PTPRD: variants seen among roughly 807,000 people sequenced by gnomAD.
PTPRD encodes the protein receptor-type tyrosine-protein phosphatase delta.
A neutral mutation model predicts 214.5 loss-of-function variants in PTPRD; 34 were observed. The ratio of observed to expected loss-of-function variants is 0.16; its 90% confidence interval spans 0.12 to 0.21. PTPRD has a LOEUF of 0.21. PTPRD is among the 10% of genes least tolerant of loss of function. The pLI, the probability that PTPRD is intolerant of heterozygous loss-of-function variation, is 1.00. For missense variants in PTPRD, 2,545 were observed against 2,398.7 expected, an observed-to-expected ratio of 1.06 and a Z score of -1.27; for synonymous variants, 1,128 against 845.7, an observed-to-expected ratio of 1.33 and a Z score of -5.79.
rs774535895 is a variant in PTPRD at position 8,633,467 on chromosome 9, G to A, written c.211-9C>T. On this transcript the variant is annotated splice_polypyrimidine_tract_variant and intron_variant, in intron 13 of 45. Transcript: ENST00000381196. The stretch of plus-strand genomic sequence containing the variant: ...TCGTCAAACTCTATTACCTATTAGA[G>A]GAAACAATAGCTGTCACAGGTGTTG... The A allele has an allele frequency of 9.3e-6, 15 of 1,609,954 alleles. No individual in the cohort carries two copies. Among genetic ancestry groups the A allele is most frequent in the Middle Eastern group, 1.7e-4 (1 of 6,032 alleles).
At chr9:9,425,529 T>C (rs1462221391) in intron 8 of PTPRD, among the ~76,000 whole-genome samples, 1 of 149,418 alleles carries the variant, frequency 6.7e-6, no homozygotes, top group African/African-American at 2.4e-5. Flanking sequence ...ATGGCAAAAA[T>C]CACAATTACT....
At chr9:8,696,444 T>C (rs976530604) in intron 12 of PTPRD, among the ~76,000 whole-genome samples, 2 of 152,146 alleles carry the variant, frequency 1.3e-5, no homozygotes. Flanking sequence ...CCCTCCAGTC[T>C]TGGGGTGGGG....
Position 9,024,348 on chromosome 9 carries a change from G to GTTTTTT in PTPRD, c.-142-5614_-142-5613insAAAAAA, listed in dbSNP as rs752607769. Among the ~76,000 whole-genome samples the GTTTTTT allele has an allele frequency of 6.2e-5, 4 of 64,178 alleles. 1 individual carries two copies. The highest frequency in any genetic ancestry group is 2.1e-4 in the Admixed American group (1 of 4,742). 42.1% of individuals were successfully genotyped at this position (64,178 alleles called of 152,430 possible). On this transcript the variant is annotated intron_variant, in intron 10 of 45. Transcript: ENST00000381196. ...TATTGTCGATTCTTTGTTTTTTTTT[G>GTTTTTT]TTTGTTTTTTTTTTTTTCCTGTATA...
intron 3 of PTPRD, among the ~76,000 whole-genome samples, chr9:10,299,321 C>G (rs1052070455): frequency 1.2e-4 from 19 of 152,046 alleles, no homozygotes; most frequent in Non-Finnish European, 1.6e-4. Context: ...TGTCAGAAAT[C>G]TGTAATGTGT....
At chr9:9,897,396 G>A (rs2075294126) in intron 5 of PTPRD, among the ~76,000 whole-genome samples, 1 of 151,696 alleles carries the variant, frequency 6.6e-6, no homozygotes, top group African/African-American at 2.4e-5. Flanking sequence ...TATTTATTAG[G>A]ATTTTTGTAA....
intron 3 of PTPRD, among the ~76,000 whole-genome samples, chr9:10,320,420 A>G (rs1003363482): frequency 1.3e-5 from 2 of 152,028 alleles, no homozygotes; most frequent in Admixed American, 1.3e-4. Flanking sequence ...GTTTCCTCCT[A>G]AAAAGGTAGA....
At chr9:8,930,509 T>C (rs1040503398) in intron 11 of PTPRD, among the ~76,000 whole-genome samples, 2 of 152,148 alleles carry the variant, frequency 1.3e-5, no homozygotes, top group African/African-American at 4.8e-5. Flanking sequence ...ATGGTATTTC[T>C]AGTTCTAGAT....
chr9:8,940,280 C>CTTTTTTTTTTTTTTTT lies in PTPRD; in HGVS notation c.-104+78401_-104+78416dup, dbSNP rs34342718. 2.4e-3 allele frequency among the ~76,000 whole-genome samples: 211 copies of CTTTTTTTTTTTTTTTT among 89,008 alleles called. 26 individuals carry two copies. The highest frequency in any genetic ancestry group is 3.3e-3 in the Non-Finnish European group (161 of 48,702). The allele number at this position is 89,008 out of a possible 152,430, so 58.4% of individuals were successfully genotyped here. ...TCACACATCTCTCTCTCTCTCTCTC[C>CTTTTTTTTTTTTTTTT]TTTTTTTTTTTTTTTTTTTTGAGAT... On this transcript the variant is annotated intron_variant, in intron 11 of 45. Coordinates refer to ENST00000381196, the MANE Select transcript of PTPRD (RefSeq NM_002839.4).
intron 5 of PTPRD, among the ~76,000 whole-genome samples, chr9:9,846,566 A>C (rs1306932741): frequency 6.6e-6 from 1 of 152,174 alleles, no homozygotes; most frequent in Non-Finnish European, 1.5e-5. Flanking sequence ...CATGGGTATC[A>C]AAACATGGTG....
chr9:8,594,990 G>C (rs928920110), intron 14 of PTPRD, among the ~76,000 whole-genome samples: 1 of 150,562 alleles, frequency 6.6e-6, no homozygotes, highest in Non-Finnish European at 1.5e-5. Flanking sequence ...AGACTCCTGA[G>C]TAGCTGGAAC....
chr9:8,877,292 A>C (rs2098402411), intron 11 of PTPRD, among the ~76,000 whole-genome samples: 2 of 152,190 alleles, frequency 1.3e-5, no homozygotes, highest in Non-Finnish European at 2.9e-5. Flanking sequence ...GCTTTATTCC[A>C]AAAACTCCAA....
chr9:9,916,580 C>T (rs1209788224), intron 5 of PTPRD, among the ~76,000 whole-genome samples: 1 of 151,646 alleles, frequency 6.6e-6, no homozygotes, highest in Non-Finnish European at 1.5e-5. Context: ...CTACAAGAAC[C>T]TCATCTCACC....
At chr9:8,882,173 C>G (rs2098451679) in intron 11 of PTPRD, among the ~76,000 whole-genome samples, 1 of 152,128 alleles carries the variant, frequency 6.6e-6, no homozygotes, top group South Asian at 2.1e-4. Flanking sequence ...AATGAACACC[C>G]AAAGAAATAC....
chr9:8,957,839 A>G (rs2099139228), intron 11 of PTPRD, among the ~76,000 whole-genome samples: 1 of 151,806 alleles, frequency 6.6e-6, no homozygotes, highest in Admixed American at 6.6e-5. Flanking sequence ...CCAGTGCCAG[A>G]ATTATATTTA....
At chr9:8,832,034 G>C (rs2097302822) in intron 11 of PTPRD, among the ~76,000 whole-genome samples, 1 of 152,000 alleles carries the variant, frequency 6.6e-6, no homozygotes, top group Non-Finnish European at 1.5e-5. Flanking sequence ...AAAAGTGTTT[G>C]CAACCTTCTG....
chr9:8,332,141 T>A (rs1213223625), intron 43 of PTPRD, among the ~76,000 whole-genome samples: 2 of 152,088 alleles, frequency 1.3e-5, no homozygotes, highest in African/African-American at 4.8e-5. Context: ...TTTCAAAAAT[T>A]TCAGAAACTA....
chr9:8,443,172 T>C (rs545373461), intron 34 of PTPRD, among the ~76,000 whole-genome samples: 1 of 152,312 alleles, frequency 6.6e-6, no homozygotes, highest in South Asian at 2.1e-4. Flanking sequence ...TTTTGTAAAA[T>C]TCAATTCTAA....
At chr9:8,359,778 T>C (rs1227830090) in intron 39 of PTPRD, among the ~76,000 whole-genome samples, 1 of 152,224 alleles carries the variant, frequency 6.6e-6, no homozygotes, top group East Asian at 1.9e-4. Context: ...TTCAGTTGCA[T>C]TGCTTTGTTT....
intron 3 of PTPRD, among the ~76,000 whole-genome samples, chr9:10,284,633 T>C (rs1316417196): frequency 6.6e-6 from 1 of 152,206 alleles, no homozygotes; most frequent in Admixed American, 6.5e-5. Context: ...GTTTCTTTGT[T>C]CAGGTTCTCA....
Sources: gnomAD v4.1 joint callset for allele counts (sites outside exome capture counted in the v4.1 genomes callset) on GRCh38, gnomAD v4.1.1 for gene constraint, MANE v1.5 for transcripts, NCBI Gene and HGNC (gene_info 2026-07-23, HGNC 2026-07-21) for gene names.